MGMT: variants seen among roughly 807,000 people sequenced by gnomAD.
MGMT encodes O-6-methylguanine-DNA methyltransferase.
MGMT carries 14 observed loss-of-function variants against 15.9 expected under a neutral mutation model. The observed-to-expected ratio is 0.88, with a 90% confidence interval of 0.58 to 1.37. The LOEUF (loss-of-function observed/expected upper bound fraction) is 1.37, where lower values mean the gene tolerates loss of function less well. Among genes scored for constraint, MGMT ranks in the 40% most tolerant of loss-of-function variants. The probability of loss-of-function intolerance (pLI) is 0.00; values close to 1 mark genes in which losing one functional copy is unlikely to be tolerated. For synonymous variants in MGMT, 130 were observed against 118.2 expected (o/e 1.10, Z -0.65); for missense variants, 282 against 268.1 (o/e 1.05, Z -0.36).
At chr10:129,567,398 T>C (rs1358828196) in intron 2 of MGMT, among the ~76,000 whole-genome samples, 2 of 152,000 alleles carry the variant, frequency 1.3e-5, no homozygotes, top group Non-Finnish European at 2.9e-5. Flanking sequence ...AACTCGTTGG[T>C]GCTGGAGAGC....
rs559400474 is a variant in MGMT, at chr10:129,761,309, A to G, written c.414+1968A>G. 5.9e-5 allele frequency among the ~76,000 whole-genome samples: 9 copies of G among 152,262 alleles called. No individual in the cohort carries two copies. In the East Asian group the frequency reaches 1.7e-3, roughly 29 times the overall value. On this transcript the variant is annotated intron_variant, in intron 4 of 4. Coordinates refer to ENST00000651593, the MANE Select transcript of MGMT (RefSeq NM_002412.5). ...GGTGGATTCTGCTCCCTCCGTGCAC[A>G]CACATGAAGATGGGAGTGGCCCCGT...
intron 3 of MGMT, among the ~76,000 whole-genome samples, chr10:129,727,894 A>T (rs965629943): frequency 2.6e-5 from 4 of 152,212 alleles, no homozygotes; most frequent in African/African-American, 9.6e-5. Context: ...GGATTTGAAC[A>T]CATGGAGTAA....
rs1401702921 is a variant in MGMT, at chr10:129,556,177, G to A, written c.125+19800G>A. On this transcript the variant is annotated intron_variant, in intron 2 of 4. Transcript: ENST00000651593. The surrounding 1 kb of genome is among the most constrained non-coding windows in gnomAD (Gnocchi z 4.3). The stretch of plus-strand genomic sequence containing the variant: ...CTCCGCGTCTCACAGAGACCAAGCA[G>A]TGCTTTCGGGATCGCTCTGTTGGTC... Among the ~76,000 whole-genome samples, 1 of 152,218 alleles carries A rather than the reference G, an allele frequency of 6.6e-6. No homozygotes were observed.
intron 1 of MGMT, among the ~76,000 whole-genome samples, chr10:129,525,980 T>A (rs1381046462): frequency 6.6e-6 from 1 of 152,194 alleles, no homozygotes; most frequent in African/African-American, 2.4e-5. Flanking sequence ...CAGTTTTGTT[T>A]GGTGAAACGA....
intron 2 of MGMT, among the ~76,000 whole-genome samples, chr10:129,583,031 AACC>A (rs1400397256): frequency 6.6e-6 from 1 of 152,208 alleles, no homozygotes; most frequent in Non-Finnish European, 1.5e-5. Context: ...ACAAAAGATG[AACC>A]ATCTTGAGGG....
chr10:129,705,551 A>G (rs554868811), intron 2 of MGMT, among the ~76,000 whole-genome samples: 50 of 152,326 alleles, frequency 3.3e-4, no homozygotes, highest in African/African-American at 1.1e-3. Flanking sequence ...CTCTTGCCTC[A>G]TTATGTACTT....
At chr10:129,742,587 G>T (rs1372674965) in intron 3 of MGMT, among the ~76,000 whole-genome samples, 2 of 142,480 alleles carry the variant, frequency 1.4e-5, no homozygotes, top group South Asian at 4.6e-4. Context: ...GGGCTGGGGC[G>T]TTCAGCAGTG....
chr10:129,497,810 C>T (rs1259858970), intron 1 of MGMT, among the ~76,000 whole-genome samples: 3 of 152,172 alleles, frequency 2.0e-5, no homozygotes, highest in African/African-American at 7.2e-5. Flanking sequence ...TGAGGGAGCT[C>T]ACTGTCCTCT....
chr10:129,694,779 A>C (rs1159147412), intron 2 of MGMT, among the ~76,000 whole-genome samples: 1 of 152,194 alleles, frequency 6.6e-6, no homozygotes, highest in Non-Finnish European at 1.5e-5. Context: ...CCGGGAGACC[A>C]GCCAGCTCAA....
intron 2 of MGMT, among the ~76,000 whole-genome samples, chr10:129,671,464 C>T (rs1384733999): frequency 6.6e-6 from 1 of 151,926 alleles, no homozygotes; most frequent in Non-Finnish European, 1.5e-5. Context: ...TTTGTCAACA[C>T]AGCCACACTC....
rs555729691 is a variant in MGMT at position 129,492,392 on chromosome 10, G to A, written c.-13+25096G>A. The stretch of plus-strand genomic sequence containing the variant: ...GGAGATGTGACTATGTGTGAAGCAG[G>A]CCCTTCTCTCTCTGTCTTTCCGCCT... On this transcript the variant is annotated intron_variant, in intron 1 of 4. Coordinates refer to ENST00000651593, the MANE Select transcript of MGMT (RefSeq NM_002412.5). Among the ~76,000 whole-genome samples, 8 of 152,140 alleles carry A rather than the reference G, an allele frequency of 5.3e-5. No individual in the cohort carries two copies. In the South Asian group the frequency reaches 8.3e-4, roughly 16 times the overall value.
intron 2 of MGMT, among the ~76,000 whole-genome samples, chr10:129,658,731 G>T (rs1035829758): frequency 1.5e-4 from 23 of 152,212 alleles, no homozygotes; most frequent in Admixed American, 1.2e-3. Context: ...CCACATTTCT[G>T]TGTCATAATG....
chr10:129,704,514 C>T (rs768304766), intron 2 of MGMT, among the ~76,000 whole-genome samples: 27 of 152,048 alleles, frequency 1.8e-4, no homozygotes, highest in Non-Finnish European at 3.4e-4. Context: ...TGGAGAAGAC[C>T]GGGGCATGTT....
intron 3 of MGMT, among the ~76,000 whole-genome samples, chr10:129,757,615 G>T (rs1848822164): frequency 6.6e-6 from 1 of 152,152 alleles, no homozygotes; most frequent in Non-Finnish European, 1.5e-5. Flanking sequence ...TCAACAGCAG[G>T]CTACCTTGCT....
intron 2 of MGMT, among the ~76,000 whole-genome samples, chr10:129,664,990 A>C (rs145697318): frequency 6.6e-6 from 1 of 152,296 alleles, no homozygotes; most frequent in African/African-American, 2.4e-5. Context: ...GCGGGGGAAA[A>C]TGCTGAATTA....
rs909325232 is a variant in MGMT, at chr10:129,556,998, G to A, written c.125+20621G>A. On this transcript the variant is annotated intron_variant, in intron 2 of 4. Coordinates refer to ENST00000651593, the MANE Select transcript of MGMT (RefSeq NM_002412.5). This position sits in a 1 kb window ranked among gnomAD's most constrained non-coding sequence, Gnocchi z 4.3. Reference sequence around the variant, plus strand: ...CGGTGGCGTGTCCCTTCTGTAAATTGCTGTGACCTGGGCTGCATGCTCCAC... The same window carrying A: ...CGGTGGCGTGTCCCTTCTGTAAATTACTGTGACCTGGGCTGCATGCTCCAC... Among the ~76,000 whole-genome samples the A allele has an allele frequency of 6.6e-6, 1 of 152,166 alleles. No individual in the cohort carries two copies. The highest frequency in any genetic ancestry group is 1.5e-5 in the Non-Finnish European group (1 of 68,034).
intron 3 of MGMT, among the ~76,000 whole-genome samples, chr10:129,755,532 T>G (rs1407979168): frequency 6.6e-6 from 1 of 152,208 alleles, no homozygotes; most frequent in African/African-American, 2.4e-5. Flanking sequence ...TCCCAAAGCC[T>G]GGGCTGCTGA....
intron 2 of MGMT, among the ~76,000 whole-genome samples, chr10:129,686,014 T>C (rs1184703640): frequency 5.3e-5 from 8 of 152,248 alleles, no homozygotes; most frequent in Non-Finnish European, 1.0e-4. Flanking sequence ...CAGATGTGCT[T>C]AACCGCCATC....
intron 1 of MGMT, among the ~76,000 whole-genome samples, chr10:129,486,680 A>G (rs1187087702): frequency 6.6e-6 from 1 of 152,192 alleles, no homozygotes. Flanking sequence ...GGACTGTTCA[A>G]ACTTTATATG....
Sources: allele counts gnomAD v4.1 joint callset (sites outside exome capture counted in the v4.1 genomes callset), GRCh38; gene constraint gnomAD v4.1.1; non-coding constraint Gnocchi (gnomAD v3.1); transcripts MANE v1.5; gene names NCBI Gene and HGNC (gene_info 2026-07-23, HGNC 2026-07-21).